COLQ: variants seen among roughly 807,000 people sequenced by gnomAD.
COLQ encodes collagen like tail subunit of asymmetric acetylcholinesterase.
In COLQ, 48 loss-of-function variants were observed where a neutral mutation model predicts 69.0. That is an observed-to-expected ratio of 0.70 (90% CI 0.55 to 0.88). The LOEUF (loss-of-function observed/expected upper bound fraction) is 0.88. Among genes scored for constraint, COLQ ranks in the 40% least tolerant of loss-of-function variants. The pLI is 0.00. For missense variants in COLQ, 618 were observed against 594.6 expected (o/e 1.04, Z -0.41); for synonymous variants, 217 against 211.2 (o/e 1.03, Z -0.24).
intron 1 of COLQ, among the ~76,000 whole-genome samples, chr3:15,520,739 A>G (rs4685251): frequency 0.46 from 69,425 of 151,944 alleles, 17,155 homozygotes; most frequent in African/African-American, 0.64. Flanking sequence ...GGGTCAGACA[A>G]GACAAGGGCA....
At chr3:15,458,834 C>T (rs1272670625) in intron 12 of COLQ, among the ~76,000 whole-genome samples, 23 of 151,562 alleles carry the variant, frequency 1.5e-4, no homozygotes, top group Admixed American at 1.5e-3. Flanking sequence ...TTTTGTTTTT[C>T]TTATATATAG....
At position 15,478,974 on chromosome 3, in the gene COLQ, T is replaced by C. The variant is rs1248479113; in HGVS notation, c.393+3A>G. ...GACACTCACAGAACAGCGCAGACCA[T>C]ACCTTCCTTCCTGGTCGGCCAAGCT... On this transcript the variant is annotated splice_donor_region_variant and intron_variant, in intron 5 of 16. Transcript: ENST00000383788. 1.9e-6 allele frequency: 3 copies of C among 1,613,996 alleles called. No homozygotes were observed. The highest frequency in any genetic ancestry group is 2.7e-5 in the African/African-American group (2 of 74,900).
intron 11 of COLQ, among the ~76,000 whole-genome samples, chr3:15,468,616 G>A (rs951339967): frequency 2.6e-5 from 4 of 152,320 alleles, no homozygotes; most frequent in African/African-American, 7.2e-5. Flanking sequence ...TTATAGGCAT[G>A]AGTCGCCACT....
chr3:15,458,984 C>T lies in COLQ; in HGVS notation c.815-659G>A, dbSNP rs150501235. ...TCAGCCTCCTGTGTAGCTGGGATTACGGGTGTGTGCCACCACACCAGGCTA... is the reference window on the plus strand; with the variant it reads ...TCAGCCTCCTGTGTAGCTGGGATTATGGGTGTGTGCCACCACACCAGGCTA... On this transcript the variant is annotated intron_variant, in intron 12 of 16. Coordinates refer to ENST00000383788, the MANE Select transcript of COLQ (RefSeq NM_005677.4). Among the ~76,000 whole-genome samples, 739 of 152,112 alleles carry T rather than the reference C, an allele frequency of 4.9e-3. 6 individuals are homozygous for T. The highest frequency in any genetic ancestry group is 0.01 in the Middle Eastern group (3 of 294).
At chr3:15,464,533 G>T (rs931328235) in intron 12 of COLQ, among the ~76,000 whole-genome samples, 12 of 152,096 alleles carry the variant, frequency 7.9e-5, no homozygotes, top group Admixed American at 7.9e-4. Flanking sequence ...AATTTATTTG[G>T]CATCCTAGTA....
At chr3:15,503,497 T>C (rs1048612433) in intron 1 of COLQ, among the ~76,000 whole-genome samples, 1 of 152,134 alleles carries the variant, frequency 6.6e-6, no homozygotes, top group African/African-American at 2.4e-5. Flanking sequence ...ACCAGGGACA[T>C]GGACTGTTAG....
At chr3:15,461,322 ATG>A (rs768834411) in intron 12 of COLQ, among the ~76,000 whole-genome samples, 8 of 151,968 alleles carry the variant, frequency 5.3e-5, no homozygotes, top group Non-Finnish European at 1.2e-4. Context: ...TCCCAACAGG[ATG>A]TGGCAGGGAG....
chr3:15,456,483 T>C lies in COLQ; in HGVS notation c.1051A>G (p.Ser351Gly). 2 of 1,614,196 alleles carry C rather than the reference T, an allele frequency of 1.2e-6. No homozygotes were observed. Among genetic ancestry groups the C allele is most frequent in the South Asian group, 1.1e-5 (1 of 91,082 alleles). The change falls in exon 14 of 17, where the codon AGC (serine) becomes GGC (glycine). Residue 351 changes from serine (S) to glycine (G), a missense_variant. Ser to Gly is a moderately conservative substitution (Grantham distance 56). Transcript: ENST00000383788. ...ACCTGGATGGGGAGCCAGCCAAGGC[T>C]GTCCTTGAAGTACAGAGATCTCTGG... is the stretch of plus-strand genomic sequence containing the variant. ...RDQRSLYFKD[S>G]LGWLPIQLTP... is the part of the protein sequence containing the mutation.
intron 1 of COLQ, among the ~76,000 whole-genome samples, chr3:15,505,821 T>C (rs2062903124): frequency 6.6e-6 from 1 of 152,268 alleles, no homozygotes; most frequent in Non-Finnish European, 1.5e-5. Context: ...AAAGACCCTG[T>C]GCTTCCAGCC....
intron 1 of COLQ, among the ~76,000 whole-genome samples, chr3:15,504,271 C>T (rs1281755795): frequency 6.6e-6 from 1 of 152,168 alleles, no homozygotes; most frequent in Admixed American, 6.5e-5. Flanking sequence ...TAACAAAGTA[C>T]CACAGACTGA....
intron 6 of COLQ, among the ~76,000 whole-genome samples, chr3:15,476,039 T>C (rs1219574760): frequency 1.3e-5 from 2 of 152,202 alleles, no homozygotes; most frequent in African/African-American, 2.4e-5. Context: ...ACTAAACGAA[T>C]GAAGTTAATT....
At chr3:15,517,510 T>C (rs549120241) in intron 1 of COLQ, among the ~76,000 whole-genome samples, 1 of 152,200 alleles carries the variant, frequency 6.6e-6, no homozygotes, top group African/African-American at 2.4e-5. Context: ...ATTGTACTAC[T>C]ACTGAGCTAC....
At chr3:15,474,734 T>C (rs929605877) in intron 8 of COLQ, among the ~76,000 whole-genome samples, 191 bp downstream of exon 8, 2 of 152,208 alleles carry the variant, frequency 1.3e-5, no homozygotes, top group African/African-American at 4.8e-5. Context: ...GCCCTTCTCT[T>C]ACCAGCTTGC....
chr3:15,451,703 C>T lies in COLQ; in HGVS notation c.1309G>A (p.Asp437Asn). The change falls in exon 17 of 17, where the codon GAC becomes AAC. Residue 437 changes from aspartate to asparagine, a missense_variant. Physicochemically the swap from Asp to Asn is conservative, Grantham distance 23. Transcript: ENST00000383788. ...CETYLPGSYG[D>N]LQCTQYCYID... ...TAGCAGTACTGGGTGCATTGCAGGT[C>T]TCCATATGACCTGAGGGAGGCAAAG... The T allele has an allele frequency of 6.2e-7, 1 of 1,614,072 alleles. No individual in the cohort carries two copies.
intron 12 of COLQ, among the ~76,000 whole-genome samples, chr3:15,464,138 A>G (rs1015207852): frequency 6.6e-6 from 1 of 152,010 alleles, no homozygotes; most frequent in Admixed American, 6.5e-5. Flanking sequence ...ATGAGGAAGG[A>G]GGGGTCAGGG....
At chr3:15,467,891 T>A (rs1179107658) in intron 11 of COLQ, 2 of 456,762 alleles carry the variant, frequency 4.4e-6, no homozygotes, top group Non-Finnish European at 4.4e-6. Flanking sequence ...CTTGGTAATG[T>A]GCAAGGAGTT....
At chr3:15,484,109 T>A (rs1158971973) in intron 3 of COLQ, among the ~76,000 whole-genome samples, 2 of 152,224 alleles carry the variant, frequency 1.3e-5, no homozygotes, top group African/African-American at 4.8e-5. Flanking sequence ...TATGTGTGTC[T>A]CTGCACGTGA....
At chr3:15,505,146 A>T (rs2062890400) in intron 1 of COLQ, among the ~76,000 whole-genome samples, 1 of 152,204 alleles carries the variant, frequency 6.6e-6, no homozygotes, top group South Asian at 2.1e-4. Context: ...TTGTTGGCAA[A>T]TGTCTAGGGG....
At position 15,455,844 on chromosome 3, in the gene COLQ, G is replaced by A. The variant is rs2062015939; in HGVS notation, c.1195+55C>T. On this transcript the variant is annotated intron_variant, in intron 15 of 16. Transcript: ENST00000383788. ...AGCTGGTGTCCAGGGCTGGCCCTGA[G>A]TCCCACCCCCCTGCTGTTCAGGCCT... 1.4e-5 allele frequency: 22 copies of A among 1,611,752 alleles called. No individual in the cohort carries two copies. In the South Asian group the frequency reaches 2.4e-4, roughly 18 times the overall value.
Sources: allele counts gnomAD v4.1 joint callset (sites outside exome capture counted in the v4.1 genomes callset), GRCh38; gene constraint gnomAD v4.1.1; transcripts MANE v1.5; gene names NCBI Gene and HGNC (gene_info 2026-07-23, HGNC 2026-07-21).